Variants in PTPRD observed in about 807,000 individuals in gnomAD.
The protein encoded by PTPRD is protein tyrosine phosphatase receptor type D.
PTPRD carries 34 observed loss-of-function variants against 214.5 expected under a neutral mutation model. The observed-to-expected ratio is 0.16, with a 90% CI of 0.12 to 0.21. The LOEUF (loss-of-function observed/expected upper bound fraction) is 0.21, where lower values mean the gene tolerates loss of function less well. PTPRD is among the 10% of genes least tolerant of loss of function. PTPRD has a pLI of 1.00. For synonymous variants in PTPRD, 1,128 were observed against 845.7 expected (o/e 1.33, Z -5.79); for missense variants, 2,545 against 2,398.7 (o/e 1.06, Z -1.27).
At chr9:10,508,357 A>G (rs1589707996) in intron 2 of PTPRD, among the ~76,000 whole-genome samples, 2 of 152,254 alleles carry the variant, frequency 1.3e-5, no homozygotes, top group East Asian at 3.9e-4. Flanking sequence ...GGGACTGTAA[A>G]CTAGTTCAAC....
intron 11 of PTPRD, among the ~76,000 whole-genome samples, chr9:8,972,102 G>C (rs2039766114): frequency 6.6e-6 from 1 of 151,856 alleles, no homozygotes; most frequent in Non-Finnish European, 1.5e-5. Context: ...CCAGGAGACA[G>C]TTCTGATAGC....
chr9:9,656,014 T>C (rs1376389836), intron 7 of PTPRD, among the ~76,000 whole-genome samples: 2 of 152,110 alleles, frequency 1.3e-5, no homozygotes, highest in African/African-American at 2.4e-5. Flanking sequence ...AAGATAAGCA[T>C]ATGAAAAGTT....
chr9:9,956,400 A>C (rs1389652791), intron 4 of PTPRD, among the ~76,000 whole-genome samples: 1 of 152,160 alleles, frequency 6.6e-6, no homozygotes, highest in East Asian at 1.9e-4. Flanking sequence ...ACGAACCTGA[A>C]AGATTAAAAT....
intron 14 of PTPRD, among the ~76,000 whole-genome samples, chr9:8,599,896 G>C (rs901387199): frequency 6.6e-6 from 1 of 152,034 alleles, no homozygotes. Flanking sequence ...GAATTTACAG[G>C]CATGAGCCAC....
intron 3 of PTPRD, among the ~76,000 whole-genome samples, chr9:10,142,554 G>C (rs2098993611): frequency 1.3e-5 from 2 of 151,930 alleles, no homozygotes; most frequent in Non-Finnish European, 2.9e-5. Flanking sequence ...TCAGAGAAAT[G>C]CAAATCAAAA....
At chr9:9,785,899 C>T (rs933831000) in intron 5 of PTPRD, among the ~76,000 whole-genome samples, 1 of 152,022 alleles carries the variant, frequency 6.6e-6, no homozygotes, top group East Asian at 1.9e-4. Context: ...AAATTCAAAG[C>T]CAATGCTTCA....
chr9:9,756,273 G>A (rs1407422520), intron 6 of PTPRD, among the ~76,000 whole-genome samples: 1 of 152,108 alleles, frequency 6.6e-6, no homozygotes, highest in Non-Finnish European at 1.5e-5. Flanking sequence ...AAAGTCTATG[G>A]TTTCTCTCTC....
At chr9:9,964,977 T>C (rs1035617372) in intron 4 of PTPRD, among the ~76,000 whole-genome samples, 2 of 152,120 alleles carry the variant, frequency 1.3e-5, no homozygotes, top group African/African-American at 2.4e-5. Context: ...CATGCAAAAA[T>C]AGGATGCTAA....
intron 8 of PTPRD, among the ~76,000 whole-genome samples, chr9:9,461,445 C>T (rs1300472127): frequency 1.3e-5 from 2 of 151,730 alleles, no homozygotes; most frequent in Non-Finnish European, 2.9e-5. Flanking sequence ...TCAAGTAGCC[C>T]AGGGAGAAGA....
At chr9:10,475,856 A>C (rs1051682125) in intron 2 of PTPRD, among the ~76,000 whole-genome samples, 11 of 151,250 alleles carry the variant, frequency 7.3e-5, no homozygotes, top group Non-Finnish European at 3.0e-5. Flanking sequence ...TCCATCATAT[A>C]AGTAGAACCA....
chr9:8,485,831 C>G lies in PTPRD; in HGVS notation c.2986G>C (p.Ala996Pro), dbSNP rs776460073. ...GGCCCGGGCCCTTTGCTCGTATGAG[C>G]ACGTACTTTTACATCGTATGTGGTA... Reference protein sequence around the residue: ...PDTTYDVKVRAHTSKGPGPYS... With the variant: ...PDTTYDVKVRPHTSKGPGPYS... Residue 996 changes from alanine to proline, a missense_variant, in exon 28 of 46, where the codon GCT becomes CCT. By Grantham distance (27) the Ala-to-Pro change is conservative. Coordinates refer to ENST00000381196, the MANE Select transcript of PTPRD (RefSeq NM_002839.4). 1 of 1,614,112 alleles carries G rather than the reference C, an allele frequency of 6.2e-7. No individual in the cohort carries two copies. The highest frequency in any genetic ancestry group is 8.5e-7 in the Non-Finnish European group (1 of 1,180,020).
intron 3 of PTPRD, among the ~76,000 whole-genome samples, chr9:10,204,349 T>C (rs563216343): frequency 6.6e-6 from 1 of 152,152 alleles, no homozygotes; most frequent in Non-Finnish European, 1.5e-5. Context: ...TTTATAATAC[T>C]AGAGAATAGC....
chr9:9,389,378 C>T (rs1226203876), intron 9 of PTPRD, among the ~76,000 whole-genome samples: 1 of 152,020 alleles, frequency 6.6e-6, no homozygotes, highest in Non-Finnish European at 1.5e-5. Flanking sequence ...GGCGTGGTGG[C>T]ACATGCCTGT....
At chr9:9,558,487 C>T (rs909859796) in intron 8 of PTPRD, among the ~76,000 whole-genome samples, 1 of 152,172 alleles carries the variant, frequency 6.6e-6, no homozygotes, top group Non-Finnish European at 1.5e-5. Flanking sequence ...GCCTGCCATA[C>T]AAACTTTGGG....
intron 9 of PTPRD, among the ~76,000 whole-genome samples, chr9:9,327,135 C>T (rs2040288325): frequency 6.6e-6 from 1 of 152,142 alleles, no homozygotes; most frequent in Non-Finnish European, 1.5e-5. Context: ...ACTCCATCTA[C>T]TGAAATTCTT....
intron 4 of PTPRD, among the ~76,000 whole-genome samples, chr9:9,972,571 A>G (rs1377668274): frequency 6.6e-6 from 1 of 152,202 alleles, no homozygotes; most frequent in Non-Finnish European, 1.5e-5. Flanking sequence ...TACATTATAT[A>G]CACATTACAA....
rs537989038 is a variant in PTPRD, at chr9:9,828,445, G to C, written c.-367-61594C>G. 1.1e-4 allele frequency among the ~76,000 whole-genome samples: 16 copies of C among 152,176 alleles called. No homozygotes were observed. The East Asian group carries it at 3.1e-3, about 29-fold the overall frequency. On this transcript the variant is annotated intron_variant, in intron 5 of 45. Coordinates refer to ENST00000381196, the MANE Select transcript of PTPRD (RefSeq NM_002839.4). ...ATGTTCTCACTCATAGGTGGGAATT[G>C]AACAATGAGAACACATGGACACAGG...
intron 8 of PTPRD, among the ~76,000 whole-genome samples, chr9:9,525,956 A>C (rs2074030361): frequency 6.6e-6 from 1 of 152,126 alleles, no homozygotes; most frequent in Admixed American, 6.6e-5. Flanking sequence ...TGTTCCTTTC[A>C]AACCATCATT....
At chr9:9,364,617 G>A (rs1569567741) in intron 9 of PTPRD, among the ~76,000 whole-genome samples, 1 of 151,374 alleles carries the variant, frequency 6.6e-6, no homozygotes, top group Non-Finnish European at 1.5e-5. Flanking sequence ...GAGGATTATA[G>A]CTGGAGCAGA....
Sources: allele counts gnomAD v4.1 joint callset (sites outside exome capture counted in the v4.1 genomes callset), GRCh38; gene constraint gnomAD v4.1.1; transcripts MANE v1.5; gene names NCBI Gene and HGNC (gene_info 2026-07-23, HGNC 2026-07-21).